Variants in TAPT1 observed in about 807,000 individuals in gnomAD.
The protein encoded by TAPT1 is transmembrane anterior posterior transformation protein 1 homolog.
Under a neutral mutation model 65.6 loss-of-function variants are expected in TAPT1, and 28 were observed. That is an observed-to-expected ratio of 0.43 (90% CI 0.32 to 0.59). TAPT1 has a LOEUF of 0.59. Ranked by LOEUF, TAPT1 falls within the 20% of genes least tolerant of loss-of-function variation. TAPT1 has a pLI of 0.09. For missense variants in TAPT1, 563 were observed against 679.9 expected, an observed-to-expected ratio of 0.83 and a Z score of 1.91; for synonymous variants, 278 against 245.2, an observed-to-expected ratio of 1.13 and a Z score of -1.25.
chr4:16,222,195 C>G (rs1165450745), intron 1 of TAPT1, among the ~76,000 whole-genome samples: 1 of 152,160 alleles, frequency 6.6e-6, no homozygotes, highest in Non-Finnish European at 1.5e-5. Context: ...CACAAATGAG[C>G]TGCTAGGATT....
Position 16,213,912 on chromosome 4 carries a change from A to T in TAPT1, c.200-14T>A. The T allele has an allele frequency of 4.4e-6, 7 of 1,579,766 alleles. No individual in the cohort carries two copies. The highest frequency in any genetic ancestry group is 6.0e-6 in the Non-Finnish European group (7 of 1,171,020). Reference sequence around the variant, plus strand: ...ACAATGAAAGCTCTACAGAAAAGAAAATGACAGAAAACAAAAAGAACAGTA... The same window carrying T: ...ACAATGAAAGCTCTACAGAAAAGAATATGACAGAAAACAAAAAGAACAGTA... On this transcript the variant is annotated splice_polypyrimidine_tract_variant and intron_variant, in intron 1 of 13. Coordinates refer to ENST00000405303, the MANE Select transcript of TAPT1 (RefSeq NM_153365.3).
intron 8 of TAPT1, chr4:16,179,348 G>C (rs1415677477): frequency 2.4e-6 from 1 of 413,834 alleles, no homozygotes; most frequent in African/African-American, 2.1e-5. Context: ...GAGACCAGGT[G>C]ACAGGAATTT....
intron 7 of TAPT1, 66 bp from the exon 8 acceptor site, chr4:16,179,723 A>G: frequency 1.3e-6 from 1 of 787,646 alleles, no homozygotes; most frequent in Non-Finnish European, 1.9e-6. Flanking sequence ...GTACATATAT[A>G]ATTATTTTAG....
At chr4:16,195,875 G>A (rs1040665028) in intron 3 of TAPT1, among the ~76,000 whole-genome samples, 1 of 152,108 alleles carries the variant, frequency 6.6e-6, no homozygotes, top group African/African-American at 2.4e-5. Flanking sequence ...AGGAAGATGT[G>A]GCACCAAAAA....
chr4:16,226,141 C>T, intron 1 of TAPT1, 118 bp downstream of exon 1: 2 of 1,029,102 alleles, frequency 1.9e-6, no homozygotes, highest in Non-Finnish European at 2.3e-6. Flanking sequence ...GCCTGGGGAG[C>T]CCCGGGAGGC....
At chr4:16,197,337 A>C (rs989236283) in intron 3 of TAPT1, among the ~76,000 whole-genome samples, 1 of 152,228 alleles carries the variant, frequency 6.6e-6, no homozygotes, top group African/African-American at 2.4e-5. Flanking sequence ...TTATTACTTA[A>C]GCCTGTTCAA....
intron 7 of TAPT1, among the ~76,000 whole-genome samples, chr4:16,185,669 GATC>G (rs529448144): frequency 3.5e-4 from 53 of 152,186 alleles, no homozygotes; most frequent in African/African-American, 1.2e-3. Context: ...GCGCCTGGCT[GATC>G]ATCATACTTT....
chr4:16,180,149 T>C (rs953253786), intron 7 of TAPT1, among the ~76,000 whole-genome samples: 1 of 152,184 alleles, frequency 6.6e-6, no homozygotes, highest in Non-Finnish European at 1.5e-5. Flanking sequence ...ATCCTGCTAC[T>C]ACAATAGCAT....
intron 4 of TAPT1, chr4:16,190,715 T>C (rs1457905489): frequency 1.3e-5 from 2 of 154,834 alleles, no homozygotes; most frequent in African/African-American, 4.8e-5. Context: ...ATCTGGCTTA[T>C]AAAGCGAAGC....
intron 11 of TAPT1, among the ~76,000 whole-genome samples, chr4:16,173,631 A>G (rs1338174252): frequency 2.6e-5 from 4 of 152,232 alleles, no homozygotes; most frequent in Non-Finnish European, 5.9e-5. Context: ...AGTATTAATT[A>G]CCACTGATAG....
intron 2 of TAPT1, among the ~76,000 whole-genome samples, chr4:16,207,196 C>T (rs1323390222): frequency 6.6e-6 from 1 of 152,178 alleles, no homozygotes; most frequent in Non-Finnish European, 1.5e-5. Context: ...ATTCTCTGAA[C>T]ATGTTTTTAT....
At position 16,206,337 on chromosome 4, in the gene TAPT1, A is replaced by C. The variant is rs978749882; in HGVS notation, c.331-3757T>G. ...CTTCTCTTACTTCCAATCCATGTTG[A>C]ATACTGTTATATTTTAAGCACGTGA... On this transcript the variant is annotated intron_variant, in intron 2 of 13. Coordinates refer to ENST00000405303, the MANE Select transcript of TAPT1 (RefSeq NM_153365.3). 4.6e-5 allele frequency among the ~76,000 whole-genome samples: 7 copies of C among 152,338 alleles called. 1 individual carries two copies. Among genetic ancestry groups the C allele is most frequent in the African/African-American group, 2.4e-5 (1 of 41,568 alleles).
Position 16,166,708 on chromosome 4 carries a change from G to C in TAPT1, c.1399C>G (p.Leu467Val), listed in dbSNP as rs540552859. 2 of 1,613,952 alleles carry C rather than the reference G, an allele frequency of 1.2e-6. No homozygotes were observed. The highest frequency in any genetic ancestry group is 2.2e-5 in the South Asian group (2 of 91,084). ...GTGCAGGTTGCGGGAGGATTCGACA[G>C]CTTCTCTTCCATTTTGGCTTCCTTC... The part of the protein sequence containing the change: ...YVKEAKMEEK[L>V]SNPPATCTPG... The change falls in exon 13 of 14, where the codon CTG becomes GTG. Residue 467 changes from leucine to valine, a missense_variant. Leu to Val is a conservative substitution (Grantham distance 32). This residue lies in a region of TAPT1 where 136 missense variants were observed against 153.9 expected (regional missense o/e 0.88). Transcript: ENST00000405303.
At chr4:16,208,599 C>A (rs1750473989) in intron 2 of TAPT1, among the ~76,000 whole-genome samples, 12 of 152,088 alleles carry the variant, frequency 7.9e-5, no homozygotes, top group Admixed American at 7.2e-4. Flanking sequence ...GCAAGAGGAC[C>A]CAAAGCCAAT....
In TAPT1 at chr4:16,165,161, T is replaced by C. The variant is rs577798413; in HGVS notation, c.1474+1472A>G. On this transcript the variant is annotated intron_variant, in intron 13 of 13. Transcript: ENST00000405303. ...CCCCCTCTCCTGTCCCTCCAAACCC[T>C]CTGCTCACCTATTTGGACCCCTGTA... is the stretch of plus-strand genomic sequence containing the variant. 3.3e-5 allele frequency among the ~76,000 whole-genome samples: 5 copies of C among 152,248 alleles called. No homozygotes were observed. In the East Asian group the frequency reaches 9.7e-4, roughly 29 times the overall value.
intron 5 of TAPT1, among the ~76,000 whole-genome samples, chr4:16,187,668 A>C (rs756798922): frequency 2.0e-5 from 3 of 152,158 alleles, no homozygotes; most frequent in Non-Finnish European, 2.9e-5. Context: ...AAGAGCAGGA[A>C]TGTGTGTATA....
At chr4:16,222,266 G>A (rs1413059678) in intron 1 of TAPT1, among the ~76,000 whole-genome samples, 6 of 152,158 alleles carry the variant, frequency 3.9e-5, no homozygotes, top group African/African-American at 1.4e-4. Context: ...ACACTGAACT[G>A]ATCAAAAACC....
At chr4:16,186,713 C>T in intron 6 of TAPT1, 68 bp downstream of exon 6, 1 of 1,403,700 alleles carries the variant, frequency 7.1e-7, no homozygotes, top group Non-Finnish European at 1.0e-6. Flanking sequence ...AGAATTTTAT[C>T]CCACCCAGAG....
In TAPT1 at chr4:16,174,918, G is replaced by A. The variant is rs186359964; in HGVS notation, c.1108-189C>T. 3.8e-3 allele frequency: 1,738 copies of A among 458,808 alleles called. 11 individuals carry two copies. The highest frequency in any genetic ancestry group is 4.3e-3 in the Non-Finnish European group (1,116 of 259,224). The allele number at this position is 458,808 out of a possible 1,614,324, so 28.4% of individuals were successfully genotyped here. On this transcript the variant is annotated intron_variant, in intron 9 of 13. Transcript: ENST00000405303. The stretch of plus-strand genomic sequence containing the variant: ...GGTAAAATGTAACCTCAATTCCACC[G>A]AACTGTTAACATTCATAGATCTTCT...
Sources: allele counts gnomAD v4.1 joint callset (sites outside exome capture counted in the v4.1 genomes callset), GRCh38; gene constraint gnomAD v4.1.1; regional missense constraint gnomAD v4.1.1; transcripts MANE v1.5; gene names NCBI Gene and HGNC (gene_info 2026-07-23, HGNC 2026-07-21).